ADAM32: variants seen among roughly 807,000 people sequenced by gnomAD.
ADAM32 encodes the protein disintegrin and metalloproteinase domain-containing protein 32.
Under a neutral mutation model 114.9 loss-of-function variants are expected in ADAM32, and 89 were observed. The ratio of observed to expected loss-of-function variants is 0.77; its 90% CI spans 0.65 to 0.92. The LOEUF is 0.92. Among genes scored for constraint, ADAM32 ranks in the 40% least tolerant of loss-of-function variants. ADAM32 has a pLI of 0.00. For synonymous variants in ADAM32, 285 were observed against 307.5 expected, an observed-to-expected ratio of 0.93 and a Z score of 0.77; for missense variants, 870 against 932.8, an observed-to-expected ratio of 0.93 and a Z score of 0.88.
intron 22 of ADAM32, among the ~76,000 whole-genome samples, chr8:39,279,971 G>A (rs147698481): frequency 1.6e-4 from 24 of 152,144 alleles, no homozygotes; most frequent in African/African-American, 5.6e-4. Flanking sequence ...TCAGATTTGC[G>A]AGTAGTGGAA....
chr8:39,265,967 T>A (rs1306492745), intron 19 of ADAM32, among the ~76,000 whole-genome samples: 2 of 152,350 alleles, frequency 1.3e-5, no homozygotes, highest in African/African-American at 4.8e-5. Flanking sequence ...ATTTCCTTTC[T>A]TTAAGGATGC....
intron 1 of ADAM32, among the ~76,000 whole-genome samples, chr8:39,109,735 T>C (rs1840077742): frequency 6.6e-6 from 1 of 152,174 alleles, no homozygotes; most frequent in South Asian, 2.1e-4. Flanking sequence ...GACACATTGT[T>C]ATCATCCAAA....
chr8:39,272,068 A>C (rs1812765909), intron 20 of ADAM32, among the ~76,000 whole-genome samples: 1 of 141,226 alleles, frequency 7.1e-6, no homozygotes, highest in Non-Finnish European at 1.5e-5. Context: ...GGAGTTCAAG[A>C]CTGCAGTGAG....
At chr8:39,151,697 T>C (rs532263062) in intron 6 of ADAM32, 149 bp downstream of exon 6, 5 of 587,866 alleles carry the variant, frequency 8.5e-6, no homozygotes, top group Non-Finnish European at 1.3e-5. Flanking sequence ...TTTTTCTCAC[T>C]CTCTCACTCA....
chr8:39,220,498 C>T (rs984848994), intron 12 of ADAM32, among the ~76,000 whole-genome samples: 4 of 151,988 alleles, frequency 2.6e-5, no homozygotes, highest in Admixed American at 1.3e-4. Context: ...CCTTGAGGTG[C>T]ATCATTAGGT....
chr8:39,237,018 A>G (rs1810197424), intron 16 of ADAM32, among the ~76,000 whole-genome samples: 1 of 152,174 alleles, frequency 6.6e-6, no homozygotes, highest in Non-Finnish European at 1.5e-5. Context: ...TGAAACACCC[A>G]TAAAACTGTA....
At chr8:39,204,481 T>G (rs1299237006) in intron 11 of ADAM32, among the ~76,000 whole-genome samples, 1 of 152,244 alleles carries the variant, frequency 6.6e-6, no homozygotes, top group Non-Finnish European at 1.5e-5. Context: ...TTCAGCTCCA[T>G]CAGGTCATTT....
At chr8:39,136,260 GT>G (rs958328681) in intron 2 of ADAM32, among the ~76,000 whole-genome samples, 153 of 152,256 alleles carry the variant, frequency 1.0e-3, no homozygotes, top group African/African-American at 3.5e-3. Context: ...TCTTAGGAGG[GT>G]TTTTAAGAAA....
intron 1 of ADAM32, among the ~76,000 whole-genome samples, chr8:39,114,567 T>C (rs1588460078): frequency 6.6e-6 from 1 of 152,322 alleles, no homozygotes; most frequent in African/African-American, 2.4e-5. Context: ...TGAAAGCATT[T>C]TGTTTTTCAC....
At chr8:39,231,887 A>T in intron 14 of ADAM32, 140 bp from the exon 15 acceptor site, 1 of 691,326 alleles carries the variant, frequency 1.4e-6, no homozygotes. Flanking sequence ...TTTACTTTTT[A>T]TTCTTTCCTT....
chr8:39,219,526 C>G (rs1001264219), intron 12 of ADAM32, among the ~76,000 whole-genome samples: 3 of 152,186 alleles, frequency 2.0e-5, no homozygotes, highest in Non-Finnish European at 4.4e-5. Flanking sequence ...TTCTGCTTTA[C>G]ACTGTGTCAG....
chr8:39,246,513 T>C (rs991421350), intron 17 of ADAM32, among the ~76,000 whole-genome samples: 2 of 152,196 alleles, frequency 1.3e-5, no homozygotes, highest in Non-Finnish European at 2.9e-5. Context: ...AAACTATTGT[T>C]TTATTTATCT....
At chr8:39,139,815 G>A (rs1803032433) in intron 3 of ADAM32, among the ~76,000 whole-genome samples, 1 of 152,170 alleles carries the variant, frequency 6.6e-6, no homozygotes, top group Non-Finnish European at 1.5e-5. Context: ...AGCATGGAAT[G>A]TTCTTCCATT....
intron 10 of ADAM32, among the ~76,000 whole-genome samples, chr8:39,172,750 C>T (rs143312103): frequency 7.1e-4 from 108 of 152,256 alleles, no homozygotes; most frequent in African/African-American, 2.5e-3. Context: ...CATTGATGGA[C>T]ATTTGGGTTG....
intron 1 of ADAM32, among the ~76,000 whole-genome samples, chr8:39,114,116 C>T (rs1840277971): frequency 6.6e-6 from 1 of 152,194 alleles, no homozygotes; most frequent in Admixed American, 6.5e-5. Context: ...ATCCAGGTCA[C>T]AATTTATCCC....
intron 3 of ADAM32, among the ~76,000 whole-genome samples, chr8:39,139,105 T>C (rs987845917): frequency 1.3e-5 from 2 of 152,176 alleles, no homozygotes; most frequent in Admixed American, 6.5e-5. Flanking sequence ...ATTGCAAAGA[T>C]TTTCTCCCAT....
chr8:39,281,228 G>T, intron 23 of ADAM32, 54 bp downstream of exon 23: 1 of 1,114,898 alleles, frequency 9.0e-7, no homozygotes. Context: ...AATTCAGAAT[G>T]AAAAAGTTGA....
chr8:39,119,789 C>G (rs1305336921), intron 2 of ADAM32, among the ~76,000 whole-genome samples: 1 of 151,912 alleles, frequency 6.6e-6, no homozygotes, highest in Non-Finnish European at 1.5e-5. Context: ...AACTGTGGCC[C>G]CTCAAAATTC....
At chr8:39,222,494 T>C (rs1809039666) in intron 13 of ADAM32, among the ~76,000 whole-genome samples, 2 of 152,084 alleles carry the variant, frequency 1.3e-5, no homozygotes, top group Admixed American at 1.3e-4. Flanking sequence ...TCCACAATTC[T>C]ATGTATGAAA....
Sources: allele counts gnomAD v4.1 joint callset (sites outside exome capture counted in the v4.1 genomes callset), GRCh38; gene constraint gnomAD v4.1.1; transcripts MANE v1.5; gene names NCBI Gene and HGNC (gene_info 2026-07-23, HGNC 2026-07-21).